Variants in FAM131B observed in about 807,000 individuals in gnomAD.
FAM131B encodes protein FAM131B.
FAM131B carries 19 observed loss-of-function variants against 42.0 expected under a neutral mutation model. The observed-to-expected ratio is 0.45, with a 90% CI of 0.32 to 0.66. The LOEUF is 0.66. FAM131B is among the 30% of genes least tolerant of loss of function. FAM131B has a pLI of 0.05. For missense variants in FAM131B, 370 were observed against 468.4 expected, an observed-to-expected ratio of 0.79 and a Z score of 1.94; for synonymous variants, 183 against 177.6, an observed-to-expected ratio of 1.03 and a Z score of -0.24.
At chr7:143,361,831 C>CCCGGCCGCCGAGGCAGGG (rs1804005319) in intron 1 of FAM131B, 2 of 154,226 alleles carry the variant, frequency 1.3e-5, no homozygotes, top group Non-Finnish European at 2.9e-5. Flanking sequence ...CAGGCGGGTC[C>CCCGGCCGCCGAGGCAGGG]CCGGCCGCCG....
At chr7:143,363,691 T>A (rs1804101573), upstream of FAM131B, among the ~76,000 whole-genome samples, 1 of 152,108 alleles carries the variant, frequency 6.6e-6, no homozygotes, top group South Asian at 2.1e-4. Context: ...GAGACCCTTT[T>A]GTCTAAGGTG....
chr7:143,356,691 C>T lies in FAM131B; in HGVS notation c.942G>A (p.Glu314=), dbSNP rs1586531578. The change falls in exon 7 of 7, where the codon GAG becomes GAA. Residue 314 remains glutamate (E), a synonymous_variant. Coordinates refer to ENST00000443739, the MANE Select transcript of FAM131B (RefSeq NM_001031690.3). The surrounding 1 kb of genome is among the most constrained non-coding windows in gnomAD (Gnocchi z 4.4). ...EKRPLAPEEE[E]DAGCRDLESL... Reference sequence around the variant, plus strand: ...ACTCCAGGTCCCGGCATCCCGCATCCTCTTCCTCCTCAGGTGCCAATGGCC... The same window carrying T: ...ACTCCAGGTCCCGGCATCCCGCATCTTCTTCCTCCTCAGGTGCCAATGGCC... 2.5e-6 allele frequency: 4 copies of T among 1,614,182 alleles called. No individual in the cohort carries two copies. The highest frequency in any genetic ancestry group is 3.4e-6 in the Non-Finnish European group (4 of 1,180,032).
At chr7:143,380,588 C>T in the FAM131B span, 1 of 985,492 alleles carries the variant, frequency 1.0e-6, no homozygotes, top group Non-Finnish European at 1.2e-6. The surrounding 1 kb of genome is among the most constrained non-coding windows in gnomAD (Gnocchi z 5.0). Context: ...CCCGCGGACC[C>T]GAACGGTCCC....
chr7:143,356,743 G>C lies in FAM131B; in HGVS notation c.890C>G (p.Ala297Gly). ...CTTCTCCTCCTCAGCAGGGCCCCTTGCCAGGTCCACTGCGCCTACCCCCGG... is the reference window on the plus strand; with the variant it reads ...CTTCTCCTCCTCAGCAGGGCCCCTTCCCAGGTCCACTGCGCCTACCCCCGG... ...WAPGVGAVDL[A>G]RGPAEEEKRP... Residue 297 changes from alanine (A) to glycine (G), a missense_variant, in exon 7 of 7, where the codon GCA becomes GGA. Transcript: ENST00000443739. This position sits in a 1 kb window ranked among gnomAD's most constrained non-coding sequence, Gnocchi z 4.4. 1 of 1,614,086 alleles carries C rather than the reference G, an allele frequency of 6.2e-7. No individual in the cohort carries two copies. The highest frequency in any genetic ancestry group is 1.1e-5 in the South Asian group (1 of 91,074).
the FAM131B span, chr7:143,381,817 G>T: frequency 1.1e-5 from 16 of 1,492,620 alleles, no homozygotes; most frequent in Admixed American, 3.5e-4. Context: ...CCCGGCAGGA[G>T]CCGGGGTGGG....
the FAM131B span, among the ~76,000 whole-genome samples, chr7:143,370,138 G>A: frequency 1.3e-4 from 20 of 152,312 alleles, 1 homozygote; most frequent in South Asian, 3.5e-3. Flanking sequence ...AAACTGTGTT[G>A]GGGGCAGGGC....
In FAM131B at chr7:143,362,565, G is replaced by T; in HGVS notation, c.28+11C>A. 1 of 1,218,668 alleles carries T rather than the reference G, an allele frequency of 8.2e-7. No homozygotes were observed. Among genetic ancestry groups the T allele is most frequent in the Non-Finnish European group, 1.0e-6 (1 of 978,146 alleles). 75.5% of individuals were successfully genotyped at this position (1,218,668 alleles called of 1,614,324 possible). On this transcript the variant is annotated intron_variant, in intron 1 of 6. Coordinates refer to ENST00000443739, the MANE Select transcript of FAM131B (RefSeq NM_001031690.3). The surrounding 1 kb of genome is among the most constrained non-coding windows in gnomAD (Gnocchi z 7.7). ...GGCCCAGCCCTGCCCCCGCCCGGCCGCGGTACCCACCCACAGTCCGGGAGC... is the reference window on the plus strand; with the variant it reads ...GGCCCAGCCCTGCCCCCGCCCGGCCTCGGTACCCACCCACAGTCCGGGAGC...
At chr7:143,377,637 G>T in the FAM131B span, among the ~76,000 whole-genome samples, 1 of 152,254 alleles carries the variant, frequency 6.6e-6, no homozygotes, top group East Asian at 1.9e-4. Context: ...ACTAAAAAAT[G>T]GGATAATGAT....
At chr7:143,361,969 C>A (rs1420575232) in intron 1 of FAM131B, 3 of 831,638 alleles carry the variant, frequency 3.6e-6, no homozygotes, top group South Asian at 5.5e-5. Flanking sequence ...TCCCTCCGGG[C>A]GTGGAACCCG....
At chr7:143,382,081 T>C in the FAM131B span, 1 of 645,776 alleles carries the variant, frequency 1.5e-6, no homozygotes, top group East Asian at 2.9e-5. Flanking sequence ...CGCCCGGCCT[T>C]TCCTGACCTG....
the FAM131B span, chr7:143,381,314 C>T: frequency 1.8e-6 from 2 of 1,118,688 alleles, no homozygotes; most frequent in African/African-American, 1.6e-5. Flanking sequence ...TGTCCCTCCC[C>T]GCCCGGCTGG....
At chr7:143,369,257 A>G in the FAM131B span, among the ~76,000 whole-genome samples, 2 of 152,192 alleles carry the variant, frequency 1.3e-5, no homozygotes, top group African/African-American at 4.8e-5. Context: ...TGCACCCCTA[A>G]AGCTATGTTA....
rs763494943 is a variant in FAM131B at position 143,359,481 on chromosome 7, T to C, written c.175-62A>G. On this transcript the variant is annotated intron_variant, in intron 3 of 6. Transcript: ENST00000443739. The surrounding 1 kb of genome is among the most constrained non-coding windows in gnomAD (Gnocchi z 5.4). ...AGAAGGTACGGGCGTGCTTTATACA[T>C]GGAGGAGGTTCATGGTTTCCAGGAA... 3.9e-6 allele frequency: 5 copies of C among 1,294,488 alleles called. No individual in the cohort carries two copies. Among genetic ancestry groups the C allele is most frequent in the Non-Finnish European group, 5.6e-6 (5 of 898,474 alleles). The allele number at this position is 1,294,488 out of a possible 1,614,324, so 80.2% of individuals were successfully genotyped here.
At chr7:143,382,293 C>T in the FAM131B span, 11 of 1,612,618 alleles carry the variant, frequency 6.8e-6, no homozygotes, top group Non-Finnish European at 9.3e-6. Flanking sequence ...GGCGACGATG[C>T]AGAGGGTGCT....
At chr7:143,369,142 TAC>T in the FAM131B span, among the ~76,000 whole-genome samples, 2 of 152,232 alleles carry the variant, frequency 1.3e-5, no homozygotes, top group Non-Finnish European at 2.9e-5. Context: ...CTCAGATTTT[TAC>T]AGTCACACAC....
At position 143,362,047 on chromosome 7, in the gene FAM131B, G is replaced by T; in HGVS notation, c.28+529C>A. On this transcript the variant is annotated intron_variant, in intron 1 of 6. Coordinates refer to ENST00000443739, the MANE Select transcript of FAM131B (RefSeq NM_001031690.3). This position sits in a 1 kb window ranked among gnomAD's most constrained non-coding sequence, Gnocchi z 7.7. ...AAAGCGAATCGGAGGAGGCAGGAAC[G>T]ACAGTAAAAGGCAACGGAGAGGGAG... 2.0e-6 allele frequency: 2 copies of T among 985,078 alleles called. No individual in the cohort carries two copies. Among genetic ancestry groups the T allele is most frequent in the Non-Finnish European group, 1.2e-6 (1 of 829,578 alleles). 61.0% of individuals were successfully genotyped at this position (985,078 alleles called of 1,614,324 possible). A position where few individuals can be genotyped will look rare whatever the true frequency, so the allele number is the denominator to read the frequency against.
upstream of FAM131B, among the ~76,000 whole-genome samples, chr7:143,366,429 C>G (rs1480571413): frequency 6.6e-6 from 1 of 152,130 alleles, no homozygotes; most frequent in African/African-American, 2.4e-5. Flanking sequence ...CTTTGGGGCA[C>G]TCCTAGTGGT....
the FAM131B span, among the ~76,000 whole-genome samples, chr7:143,375,649 G>C: frequency 3.9e-3 from 592 of 152,290 alleles, 6 homozygotes; most frequent in African/African-American, 0.013. Context: ...AAGTGGAGGT[G>C]GGGGAGCAAC....
chr7:143,357,109 G>T, intron 6 of FAM131B, 87 bp from the exon 7 acceptor site: 2 of 1,169,380 alleles, frequency 1.7e-6, no homozygotes, highest in South Asian at 1.3e-5. Flanking sequence ...ACAGCTAAGA[G>T]ACAGCACAGA....
Sources: allele counts gnomAD v4.1 joint callset (sites outside exome capture counted in the v4.1 genomes callset), GRCh38; gene constraint gnomAD v4.1.1; non-coding constraint Gnocchi (gnomAD v3.1); transcripts MANE v1.5; gene names NCBI Gene and HGNC (gene_info 2026-07-23, HGNC 2026-07-21).